The following EPHA6 variants were observed in gnomAD, a reference collection of about 807,000 sequenced individuals.
The protein encoded by EPHA6 is EPH receptor A6.
EPHA6 carries 50 observed loss-of-function variants against 112.0 expected under a neutral mutation model. The observed-to-expected ratio is 0.45, with a 90% CI of 0.36 to 0.56. EPHA6 has a LOEUF of 0.56. Ranked by LOEUF, EPHA6 falls within the 20% of genes least tolerant of loss-of-function variation. The probability of loss-of-function intolerance (pLI) is 0.00; values close to 1 mark genes in which losing one functional copy is unlikely to be tolerated. For missense variants in EPHA6, 1,280 were observed against 1,417.4 expected, an observed-to-expected ratio of 0.90 and a Z score of 1.56; for synonymous variants, 529 against 490.7, an observed-to-expected ratio of 1.08 and a Z score of -1.03.
At chr3:97,489,716 A>AT (rs1560063164) in intron 10 of EPHA6, among the ~76,000 whole-genome samples, 1 of 151,298 alleles carries the variant, frequency 6.6e-6, no homozygotes, top group Non-Finnish European at 1.5e-5. Flanking sequence ...CTCAAAACTT[A>AT]TTTTTTTATA....
intron 2 of EPHA6, among the ~76,000 whole-genome samples, chr3:96,900,721 A>G (rs1442672623): frequency 1.3e-5 from 2 of 152,246 alleles, no homozygotes; most frequent in Non-Finnish European, 2.9e-5. Flanking sequence ...AGGTTCTGGC[A>G]TGTGCCAATG....
At chr3:97,542,330 C>T (rs980941244) in intron 11 of EPHA6, among the ~76,000 whole-genome samples, 4 of 151,918 alleles carry the variant, frequency 2.6e-5, no homozygotes, top group Non-Finnish European at 2.9e-5. Flanking sequence ...CACCTATGAG[C>T]GAGAGCATGC....
intron 8 of EPHA6, 89 bp from the exon 9 acceptor site, chr3:97,479,205 T>G: frequency 1.4e-6 from 1 of 710,470 alleles, no homozygotes; most frequent in Non-Finnish European, 2.2e-6. Context: ...ACAAGAAATT[T>G]GTTCATAGAT....
At position 97,304,233 on chromosome 3, in the gene EPHA6, A is replaced by G. The variant is rs564224397; in HGVS notation, c.1606+59946A>G. ...CTCTCTTCCTATTTGAATACCCTTTATCTCTTTATCTTGCCTGATTGCTGT... is the reference window on the plus strand; with the variant it reads ...CTCTCTTCCTATTTGAATACCCTTTGTCTCTTTATCTTGCCTGATTGCTGT... On this transcript the variant is annotated intron_variant, in intron 5 of 17. Coordinates refer to ENST00000389672, the MANE Select transcript of EPHA6 (RefSeq NM_001080448.3). Among the ~76,000 whole-genome samples the G allele has an allele frequency of 1.7e-4, 26 of 152,018 alleles. No homozygotes were observed. In the East Asian group the frequency reaches 4.9e-3, roughly 28 times the overall value.
intron 2 of EPHA6, among the ~76,000 whole-genome samples, chr3:96,953,030 A>T: frequency 6.6e-6 from 1 of 152,218 alleles, no homozygotes; most frequent in East Asian, 1.9e-4. Context: ...TTTTTAAAAA[A>T]TTAAAACATT....
intron 2 of EPHA6, among the ~76,000 whole-genome samples, chr3:96,940,560 A>T (rs1328000132): frequency 2.6e-5 from 4 of 152,064 alleles, no homozygotes; most frequent in African/African-American, 9.7e-5. Flanking sequence ...CCAATTTTCC[A>T]GTCTGTGTCT....
chr3:96,991,132 G>A (rs1403748801), intron 3 of EPHA6, among the ~76,000 whole-genome samples: 2 of 152,056 alleles, frequency 1.3e-5, no homozygotes, highest in East Asian at 1.9e-4. Context: ...TGTGATTGCA[G>A]GGGTGAGCCA....
rs1304914072 is a variant in EPHA6 at position 97,533,769 on chromosome 3, C to T, written c.2386+1226C>T. 6.6e-5 allele frequency among the ~76,000 whole-genome samples: 10 copies of T among 152,178 alleles called. No homozygotes were observed. In the East Asian group the frequency reaches 1.9e-3, roughly 29 times the overall value. On this transcript the variant is annotated intron_variant, in intron 11 of 17. Coordinates refer to ENST00000389672, the MANE Select transcript of EPHA6 (RefSeq NM_001080448.3). ...AAAGGCAATCCATAAGATGAGGCCA[C>T]ATGCAGTACTCCAAAGAAGAGAACT...
At chr3:96,842,890 A>G (rs1042190852) in intron 1 of EPHA6, among the ~76,000 whole-genome samples, 14 of 152,032 alleles carry the variant, frequency 9.2e-5, no homozygotes, top group African/African-American at 2.7e-4. Context: ...TTTACTCTTG[A>G]TGTATATTTT....
At chr3:97,251,473 T>C (rs1271123912) in intron 5 of EPHA6, among the ~76,000 whole-genome samples, 1 of 151,860 alleles carries the variant, frequency 6.6e-6, no homozygotes, top group African/African-American at 2.4e-5. Context: ...GAGCTTGCAG[T>C]GAGCTGAGAT....
chr3:97,353,089 G>T (rs1260793401), intron 5 of EPHA6, among the ~76,000 whole-genome samples: 1 of 151,962 alleles, frequency 6.6e-6, no homozygotes. Context: ...CAGTCCTGGT[G>T]GGATTCATCA....
intron 3 of EPHA6, among the ~76,000 whole-genome samples, chr3:97,182,982 AAC>A (rs1467411640): frequency 6.6e-6 from 1 of 152,132 alleles, no homozygotes; most frequent in Admixed American, 6.6e-5. Flanking sequence ...GGAAGAAGAA[AAC>A]AGAGATTTTA....
At chr3:97,324,435 T>TTCTTTCTTTCTTTC (rs2082290895) in intron 5 of EPHA6, among the ~76,000 whole-genome samples, 1 of 148,370 alleles carries the variant, frequency 6.7e-6, no homozygotes, top group Non-Finnish European at 1.5e-5. Context: ...CTTTCTTTCT[T>TTCTTTCTTTCTTTC]TCTTTCTTTC....
intron 3 of EPHA6, among the ~76,000 whole-genome samples, chr3:97,130,545 T>A (rs1039592772): frequency 6.6e-6 from 1 of 152,214 alleles, no homozygotes; most frequent in Admixed American, 6.6e-5. Context: ...TTTCTGCACC[T>A]GTTAAAATAT....
intron 5 of EPHA6, among the ~76,000 whole-genome samples, chr3:97,307,575 C>T (rs146196793): frequency 1.2e-3 from 176 of 150,572 alleles, no homozygotes; most frequent in African/African-American, 4.1e-3. Flanking sequence ...TTGGAGATGC[C>T]AGGAAATACT....
intron 14 of EPHA6, among the ~76,000 whole-genome samples, chr3:97,645,155 C>G (rs1227739736): frequency 6.6e-6 from 1 of 151,834 alleles, no homozygotes; most frequent in African/African-American, 2.4e-5. Flanking sequence ...CCCAGCCATC[C>G]CATTACTAGG....
intron 5 of EPHA6, among the ~76,000 whole-genome samples, chr3:97,266,165 T>C (rs1171398784): frequency 3.3e-5 from 5 of 152,214 alleles, no homozygotes; most frequent in Non-Finnish European, 7.3e-5. Flanking sequence ...TTAAGGCTTT[T>C]AGACTTCATA....
intron 14 of EPHA6, among the ~76,000 whole-genome samples, chr3:97,692,870 G>C: frequency 6.6e-6 from 1 of 152,110 alleles, no homozygotes; most frequent in Admixed American, 6.5e-5. Flanking sequence ...TCATTATCCT[G>C]TGTGCACTCT....
Position 97,532,628 on chromosome 3 carries a change from CCA to C in EPHA6, c.2386+88_2386+89del, listed in dbSNP as rs1029352893. 3.3e-5 allele frequency: 36 copies of C among 1,088,792 alleles called. No individual in the cohort carries two copies. In the African/African-American group the frequency reaches 4.0e-4, roughly 12 times the overall value. 67.4% of individuals were successfully genotyped at this position (1,088,792 alleles called of 1,614,324 possible). A position where few individuals can be genotyped will look rare whatever the true frequency, so the allele number is the denominator to read the frequency against. ...AAAAGGAAAAATCTTCATAATAATA[CCA>C]CAGTCATTAAAGGAATAACTTAGTT... is the stretch of plus-strand genomic sequence containing the variant. On this transcript the variant is annotated intron_variant, in intron 11 of 17. Coordinates refer to ENST00000389672, the MANE Select transcript of EPHA6 (RefSeq NM_001080448.3).
Sources: gnomAD v4.1 joint callset for allele counts (sites outside exome capture counted in the v4.1 genomes callset) on GRCh38, gnomAD v4.1.1 for gene constraint, MANE v1.5 for transcripts, NCBI Gene and HGNC (gene_info 2026-07-23, HGNC 2026-07-21) for gene names.